FCRL1: variants seen among roughly 807,000 people sequenced by gnomAD.
The protein encoded by FCRL1 is Fc receptor-like protein 1.
FCRL1 carries 34 observed loss-of-function variants against 49.2 expected under a neutral mutation model. That is an observed-to-expected ratio of 0.69 (90% confidence interval 0.53 to 0.92). The LOEUF (loss-of-function observed/expected upper bound fraction) is 0.92, where lower values mean the gene tolerates loss of function less well. Among genes scored for constraint, FCRL1 ranks in the 40% least tolerant of loss-of-function variants. The pLI is 0.00. For synonymous variants in FCRL1, 218 were observed against 201.6 expected, an observed-to-expected ratio of 1.08 and a Z score of -0.69; for missense variants, 524 against 524.1, an observed-to-expected ratio of 1.00 and a Z score of 0.00.
chr1:157,801,045 C>T (rs1652366978), intron 6 of FCRL1, among the ~76,000 whole-genome samples: 2 of 152,120 alleles, frequency 1.3e-5, no homozygotes, highest in South Asian at 2.1e-4. Context: ...GCATGCATCA[C>T]CACGCCCAGC....
Position 157,797,886 on chromosome 1 carries a change from C to T in FCRL1, c.1168G>A (p.Glu390Lys). The change falls in exon 9 of 11, where the codon GAG becomes AAG. Residue 390 changes from glutamate (E) to lysine (K), a missense_variant. Transcript: ENST00000368176. ...VYSLAYYNQPEQESVAAETLG... is the reference protein window; with the variant it reads ...VYSLAYYNQPKQESVAAETLG... ...GTCTCACCTGCTACTGATTCCTGCT[C>T]CGGCTGGTTATAGTACGCCAGTGAA... 2 of 1,614,188 alleles carry T rather than the reference C, an allele frequency of 1.2e-6. No individual in the cohort carries two copies. Among genetic ancestry groups the T allele is most frequent in the Non-Finnish European group, 1.7e-6 (2 of 1,180,020 alleles).
chr1:157,801,470 T>C lies in FCRL1; in HGVS notation c.994A>G (p.Arg332Gly). The change falls in exon 6 of 11, where the codon AGA becomes GGA. Residue 332 changes from arginine (R) to glycine (G), a missense_variant. Transcript: ENST00000368176. Reference sequence around the variant, plus strand: ...CTCTTTAAATACTAACCTATTTTTCTTTTGAGGCCGTAGCAAAATAATAAG... The same window carrying C: ...CTCTTTAAATACTAACCTATTTTTCCTTTGAGGCCGTAGCAAAATAATAAG... ...VALLFCYGLKRKIGRRSARDP... is the reference protein window; with the variant it reads ...VALLFCYGLKGKIGRRSARDP... The C allele has an allele frequency of 1.9e-6, 3 of 1,609,386 alleles. No homozygotes were observed. Among genetic ancestry groups the C allele is most frequent in the Non-Finnish European group, 2.6e-6 (3 of 1,176,250 alleles).
At chr1:157,797,517 C>T (rs973071549) in intron 9 of FCRL1, among the ~76,000 whole-genome samples, 11 of 152,038 alleles carry the variant, frequency 7.2e-5, no homozygotes, top group Admixed American at 2.0e-4. Flanking sequence ...GACTGGGGAG[C>T]GAGGCATAAA....
chr1:157,796,838 A>T (rs1444906308), intron 10 of FCRL1, among the ~76,000 whole-genome samples: 2 of 152,244 alleles, frequency 1.3e-5, no homozygotes, highest in Non-Finnish European at 2.9e-5. Flanking sequence ...GAATTTTTAG[A>T]CTAGGTATGC....
Position 157,801,448 on chromosome 1 carries a change from T to C in FCRL1, c.1003+13A>G, listed in dbSNP as rs374782245. ...ATCACAGTAACAAAATGCCACTCTC[T>C]TTAAATACTAACCTATTTTTCTTTT... On this transcript the variant is annotated intron_variant, in intron 6 of 10. Transcript: ENST00000368176. The C allele has an allele frequency of 1.6e-5, 24 of 1,537,062 alleles. No individual in the cohort carries two copies. The highest frequency in any genetic ancestry group is 1.9e-5 in the Non-Finnish European group (21 of 1,111,304).
At position 157,812,365 on chromosome 1, in the gene FCRL1, C is replaced by T. The variant is rs536306022; in HGVS notation, c.32-5243G>A. On this transcript the variant is annotated intron_variant, in intron 1 of 10. Transcript: ENST00000368176. ...CATTCCAGGGTCTTTCCGGTCACTACACCTGGCATCACAGAGCAGGGGCCA... is the reference window on the plus strand; with the variant it reads ...CATTCCAGGGTCTTTCCGGTCACTATACCTGGCATCACAGAGCAGGGGCCA... 7.9e-5 allele frequency among the ~76,000 whole-genome samples: 12 copies of T among 152,296 alleles called. No homozygotes were observed. The South Asian group carries it at 2.1e-3, about 26-fold the overall frequency.
intron 1 of FCRL1, among the ~76,000 whole-genome samples, chr1:157,819,402 G>T (rs1223120013): frequency 6.6e-6 from 1 of 152,178 alleles, no homozygotes. Flanking sequence ...GTGTGCTCGA[G>T]GGAGTGTTGT....
rs1213593893 is a variant in FCRL1 at position 157,819,994 on chromosome 1, T to C, written c.31+13A>G. On this transcript the variant is annotated intron_variant, in intron 1 of 10. Coordinates refer to ENST00000368176, the MANE Select transcript of FCRL1 (RefSeq NM_052938.5). ...ATTGCATCCCATGCCCTGCTCTGAGTTGCCCAACTCACCACAGATCAACAG... is the reference window on the plus strand; with the variant it reads ...ATTGCATCCCATGCCCTGCTCTGAGCTGCCCAACTCACCACAGATCAACAG... 2 of 1,613,908 alleles carry C rather than the reference T, an allele frequency of 1.2e-6. No homozygotes were observed. The highest frequency in any genetic ancestry group is 2.2e-5 in the East Asian group (1 of 44,868).
intron 1 of FCRL1, among the ~76,000 whole-genome samples, chr1:157,810,514 C>T (rs960610974): frequency 6.6e-6 from 1 of 151,838 alleles, no homozygotes; most frequent in Non-Finnish European, 1.5e-5. Context: ...CCAGGCTGGT[C>T]TTATACTCCT....
In FCRL1 at chr1:157,811,056, T is replaced by C. The variant is rs200416919; in HGVS notation, c.32-3934A>G. Among the ~76,000 whole-genome samples the C allele has an allele frequency of 3.3e-5, 5 of 152,254 alleles. No homozygotes were observed. The East Asian group carries it at 5.8e-4, about 18-fold the overall frequency. On this transcript the variant is annotated intron_variant, in intron 1 of 10. Coordinates refer to ENST00000368176, the MANE Select transcript of FCRL1 (RefSeq NM_052938.5). ...TCAACCTCCCAAAGTGCTGAGATTA[T>C]AGCATGAGCCACCACACCTGGTGCA...
chr1:157,820,060 C>A lies in FCRL1; in HGVS notation c.-23G>T, dbSNP rs1037309704. On this transcript the variant is annotated 5_prime_UTR_variant, in exon 1 of 11. Coordinates refer to ENST00000368176, the MANE Select transcript of FCRL1 (RefSeq NM_052938.5). ...CATGAGGACCAGGTCAGGGATGGTA[C>A]CTAGAGATGCCTCTCATCAAAAAAA... 9 of 1,613,876 alleles carry A rather than the reference C, an allele frequency of 5.6e-6. No homozygotes were observed. In the South Asian group the frequency reaches 6.6e-5, roughly 12 times the overall value.
chr1:157,813,734 T>C (rs1290902226), intron 1 of FCRL1, among the ~76,000 whole-genome samples: 1 of 152,178 alleles, frequency 6.6e-6, no homozygotes, highest in Non-Finnish European at 1.5e-5. Context: ...ACCAAATCCA[T>C]GAAGCTCAAA....
intron 2 of FCRL1, 108 bp from the exon 3 acceptor site, chr1:157,804,219 G>C: frequency 7.2e-7 from 1 of 1,397,834 alleles, no homozygotes; most frequent in Non-Finnish European, 9.7e-7. Flanking sequence ...CAGCCAGTTG[G>C]ACACACAGGC....
At chr1:157,798,002 A>G in intron 8 of FCRL1, 63 bp from the exon 9 acceptor site, 1 of 1,561,352 alleles carries the variant, frequency 6.4e-7, no homozygotes, top group Non-Finnish European at 8.8e-7. Context: ...AAATTACTCC[A>G]TACCTTCCAC....
Position 157,798,217 on chromosome 1 carries a change from T to C in FCRL1, c.1058A>G (p.Glu353Gly). The C allele has an allele frequency of 6.2e-7, 1 of 1,612,898 alleles. No homozygotes were observed. ...LRSLPSPLPQ[E>G]FTYLNSPTPG... ...GGTAGGTGAGTTGAGGTAGGTGAAC[T>C]CTTGGGGTAGAGGGCTGGGAAGGCT... Residue 353 changes from glutamate (E) to glycine (G), a missense_variant, in exon 8 of 11, where the codon GAG becomes GGG. Transcript: ENST00000368176.
intron 1 of FCRL1, among the ~76,000 whole-genome samples, chr1:157,807,800 T>C (rs1653709804): frequency 6.6e-6 from 1 of 152,176 alleles, no homozygotes; most frequent in African/African-American, 2.4e-5. Context: ...TGACACAGAT[T>C]TGAGTACTGG....
chr1:157,803,077 A>G (rs1306379562), intron 3 of FCRL1, among the ~76,000 whole-genome samples: 1 of 152,200 alleles, frequency 6.6e-6, no homozygotes, highest in Non-Finnish European at 1.5e-5. Context: ...ACAATTTTCC[A>G]TATGTAAAAG....
Position 157,820,108 on chromosome 1 carries a change from G to A in FCRL1, c.-71C>T. 1 of 1,563,058 alleles carries A rather than the reference G, an allele frequency of 6.4e-7. No homozygotes were observed. Among genetic ancestry groups the A allele is most frequent in the South Asian group, 1.1e-5 (1 of 89,646 alleles). On this transcript the variant is annotated 5_prime_UTR_variant, in exon 1 of 11. Coordinates refer to ENST00000368176, the MANE Select transcript of FCRL1 (RefSeq NM_052938.5). ...AAAGAATGCACCTCAGAGTCGAGCA[G>A]CAGCAGCTCATCAGAGGTTTGAGGA...
intron 1 of FCRL1, among the ~76,000 whole-genome samples, chr1:157,808,452 C>T (rs935497579): frequency 5.9e-5 from 9 of 152,120 alleles, no homozygotes; most frequent in South Asian, 4.2e-4. Flanking sequence ...GAGAAAACAT[C>T]GAATGCAAGT....
Sources: gnomAD v4.1 joint callset for allele counts (sites outside exome capture counted in the v4.1 genomes callset) on GRCh38, gnomAD v4.1.1 for gene constraint, MANE v1.5 for transcripts, NCBI Gene and HGNC (gene_info 2026-07-23, HGNC 2026-07-21) for gene names.